Variants in KCND3 observed in about 807,000 individuals in gnomAD.
KCND3 encodes the protein potassium voltage-gated channel subfamily D member 3, also known as A-type voltage-gated potassium channel KCND3.
Under a neutral mutation model 51.1 loss-of-function variants are expected in KCND3, and 9 were observed. That is an observed-to-expected ratio of 0.18 (90% confidence interval 0.11 to 0.31). The LOEUF (loss-of-function observed/expected upper bound fraction) is 0.31. Ranked by LOEUF, KCND3 falls within the 10% of genes least tolerant of loss-of-function variation. KCND3 has a pLI of 1.00. For missense variants in KCND3, 526 were observed against 903.8 expected, an observed-to-expected ratio of 0.58 and a Z score of 5.36; for synonymous variants, 349 against 368.0, an observed-to-expected ratio of 0.95 and a Z score of 0.59.
At chr1:111,882,014 A>G (rs1383953903) in intron 2 of KCND3, among the ~76,000 whole-genome samples, 7 of 152,140 alleles carry the variant, frequency 4.6e-5, no homozygotes, top group African/African-American at 1.2e-4. Context: ...GGTGAACTGA[A>G]GAAATAGGAA....
intron 2 of KCND3, among the ~76,000 whole-genome samples, chr1:111,870,518 G>T (rs1359315576): frequency 6.6e-6 from 1 of 152,180 alleles, no homozygotes; most frequent in East Asian, 1.9e-4. Context: ...TGATGCCAGT[G>T]CCATTTTGAA....
intron 2 of KCND3, among the ~76,000 whole-genome samples, chr1:111,914,594 G>T (rs1671108037): frequency 6.6e-6 from 1 of 152,238 alleles, no homozygotes; most frequent in Middle Eastern, 3.4e-3. Flanking sequence ...CATAAATTAT[G>T]CAAACCAGAA....
At chr1:111,939,409 G>A (rs1297926993) in intron 2 of KCND3, among the ~76,000 whole-genome samples, 7 of 152,040 alleles carry the variant, frequency 4.6e-5, no homozygotes, top group Non-Finnish European at 8.8e-5. Flanking sequence ...GCCCGGGTGT[G>A]TGATGTTCCC....
chr1:111,821,645 A>G (rs1171998878), intron 2 of KCND3, among the ~76,000 whole-genome samples: 5 of 152,166 alleles, frequency 3.3e-5, no homozygotes, highest in African/African-American at 1.2e-4. Flanking sequence ...GGAAACACCC[A>G]GTGGTGAGCT....
chr1:111,954,891 G>T (rs1673249818), intron 2 of KCND3, among the ~76,000 whole-genome samples: 1 of 152,182 alleles, frequency 6.6e-6, no homozygotes, highest in African/African-American at 2.4e-5. Context: ...AATATGATTT[G>T]TGACATAGGT....
At chr1:111,795,460 C>G (rs1665014999) in intron 2 of KCND3, among the ~76,000 whole-genome samples, 1 of 152,170 alleles carries the variant, frequency 6.6e-6, no homozygotes, top group African/African-American at 2.4e-5. Context: ...TTATCATAAA[C>G]TTACAAGGTA....
chr1:111,875,792 G>A (rs150820081), intron 2 of KCND3, among the ~76,000 whole-genome samples: 2 of 152,174 alleles, frequency 1.3e-5, no homozygotes, highest in East Asian at 1.9e-4. Context: ...CATTCTTTCC[G>A]CTAAGGAAAA....
intron 2 of KCND3, among the ~76,000 whole-genome samples, chr1:111,866,349 C>T (rs996336431): frequency 4.1e-5 from 6 of 147,358 alleles, no homozygotes; most frequent in South Asian, 2.1e-4. Context: ...ACTCCAACCT[C>T]GACCTCCCAG....
intron 2 of KCND3, among the ~76,000 whole-genome samples, chr1:111,865,113 G>A (rs531315369): frequency 6.6e-6 from 1 of 152,320 alleles, no homozygotes; most frequent in East Asian, 1.9e-4. Flanking sequence ...TCAGGTAGAG[G>A]TGGGTGAACC....
rs1320203796 is a variant in KCND3, at chr1:111,775,573, G to A, written c.*504C>T. On this transcript the variant is annotated 3_prime_UTR_variant, in exon 8 of 8. Transcript: ENST00000302127. ...AAACATTTCACAAAAATCCGTTGGTGTTTTTGTTTTCCACCTTTTCCCATG... is the reference window on the plus strand; with the variant it reads ...AAACATTTCACAAAAATCCGTTGGTATTTTTGTTTTCCACCTTTTCCCATG... 5 of 169,176 alleles carry A rather than the reference G, an allele frequency of 3.0e-5. 1 individual carries two copies. Among genetic ancestry groups the A allele is most frequent in the South Asian group, 1.4e-4 (1 of 6,942 alleles). 10.5% of individuals were successfully genotyped at this position (169,176 alleles called of 1,614,324 possible).
chr1:111,957,311 G>T (rs949965373), intron 2 of KCND3, among the ~76,000 whole-genome samples: 4 of 152,308 alleles, frequency 2.6e-5, no homozygotes, highest in Admixed American at 2.6e-4. Flanking sequence ...CTTGGTAACT[G>T]GTTCTGTTTC....
intron 2 of KCND3, among the ~76,000 whole-genome samples, chr1:111,900,906 G>C (rs193169868): frequency 6.6e-6 from 1 of 151,634 alleles, no homozygotes; most frequent in African/African-American, 2.4e-5. Flanking sequence ...GCAGTGAGCC[G>C]AGATCACACC....
At chr1:111,877,592 A>G (rs1367672954) in intron 2 of KCND3, among the ~76,000 whole-genome samples, 1 of 152,100 alleles carries the variant, frequency 6.6e-6, no homozygotes, top group African/African-American at 2.4e-5. Context: ...AAAGGGTTCT[A>G]TCTCGTGCCA....
intron 2 of KCND3, among the ~76,000 whole-genome samples, chr1:111,949,255 T>C (rs1369764706): frequency 2.0e-5 from 3 of 152,160 alleles, no homozygotes; most frequent in Non-Finnish European, 2.9e-5. Context: ...GGTTTCTCTT[T>C]TGTAAAGTGG....
In KCND3 at chr1:111,772,266, A is replaced by G. The variant is rs1026428750; in HGVS notation, c.*3811T>C. The G allele has an allele frequency of 1.3e-5, 2 of 152,194 alleles. No homozygotes were observed. Among genetic ancestry groups the G allele is most frequent in the Admixed American group, 6.5e-5 (1 of 15,282 alleles). The allele number at this position is 152,194 out of a possible 1,614,324, so 9.4% of individuals were successfully genotyped here. ...TCCTAGTCTTCTCTTCATTGAGAAG[A>G]GAAAATATTTGACTAAAAAAAATTG... is the stretch of plus-strand genomic sequence containing the variant. On this transcript the variant is annotated 3_prime_UTR_variant, in exon 8 of 8. Transcript: ENST00000302127.
At chr1:111,979,544 T>C (rs1674825028) in intron 2 of KCND3, among the ~76,000 whole-genome samples, 1 of 152,174 alleles carries the variant, frequency 6.6e-6, no homozygotes, top group South Asian at 2.1e-4. Flanking sequence ...GTCTGATTTC[T>C]ACCTAGGGGC....
At chr1:111,856,352 T>C (rs1345770846) in intron 2 of KCND3, among the ~76,000 whole-genome samples, 6 of 152,216 alleles carry the variant, frequency 3.9e-5, no homozygotes, top group East Asian at 1.9e-4. Flanking sequence ...CTTCTCCCTA[T>C]AGCAGCATTG....
In KCND3 at chr1:111,772,692, T is replaced by C. The variant is rs1368194845; in HGVS notation, c.*3385A>G. The C allele has an allele frequency of 6.6e-6, 1 of 152,270 alleles. No individual in the cohort carries two copies. The allele number at this position is 152,270 out of a possible 1,614,324, so 9.4% of individuals were successfully genotyped here. Reference sequence around the variant, plus strand: ...TCTTAAATCTTTTCTAGTTCTGATATGCTCTTAATACTACATTTTCTAGGT... The same window carrying C: ...TCTTAAATCTTTTCTAGTTCTGATACGCTCTTAATACTACATTTTCTAGGT... On this transcript the variant is annotated 3_prime_UTR_variant, in exon 8 of 8. Coordinates refer to ENST00000302127, the MANE Select transcript of KCND3 (RefSeq NM_001378969.1).
intron 2 of KCND3, among the ~76,000 whole-genome samples, chr1:111,965,465 C>CACACACACACAT (rs1553184438): frequency 2.0e-4 from 29 of 148,410 alleles, no homozygotes; most frequent in African/African-American, 7.1e-4. Flanking sequence ...CACACACACA[C>CACACACACACAT]ACACACACAC....
Sources: gnomAD v4.1 joint callset for allele counts (sites outside exome capture counted in the v4.1 genomes callset) on GRCh38, gnomAD v4.1.1 for gene constraint, MANE v1.5 for transcripts, NCBI Gene and HGNC (gene_info 2026-07-23, HGNC 2026-07-21) for gene names.